COL4A1: variants seen among roughly 807,000 people sequenced by gnomAD.
The protein encoded by COL4A1 is collagen type IV alpha 1 chain.
A neutral mutation model predicts 216.6 loss-of-function variants in COL4A1; 40 were observed. The ratio of observed to expected loss-of-function variants is 0.18; its 90% CI spans 0.14 to 0.24. The LOEUF is 0.24. Ranked by LOEUF, COL4A1 falls within the 10% of genes least tolerant of loss-of-function variation. The pLI is 1.00. For missense variants in COL4A1, 1,628 were observed against 2,196.8 expected, an observed-to-expected ratio of 0.74 and a Z score of 5.18; for synonymous variants, 839 against 810.7, an observed-to-expected ratio of 1.03 and a Z score of -0.59.
At position 110,186,435 on chromosome 13, in the gene COL4A1, T is replaced by C. The variant is rs756221734; in HGVS notation, c.1847A>G (p.Asp616Gly). 6 of 1,613,740 alleles carry C rather than the reference T, an allele frequency of 3.7e-6. No individual in the cohort carries two copies. The Admixed American group carries it at 1.0e-4, about 27-fold the overall frequency. ...PGYGPAGPIGDKGQAGFPGGP... is the reference protein window; with the variant it reads ...PGYGPAGPIGGKGQAGFPGGP... ...TCCAGGAAAGCCTGCTTGTCCTTTG[T>C]CACCAATGGGACCAGCAGGACCATA... The change falls in exon 26 of 52, where the codon GAC (aspartate) becomes GGC (glycine). Residue 616 changes from aspartate (D) to glycine (G), a missense_variant. By Grantham distance (94) the Asp-to-Gly change is moderately conservative. Around this residue, in one of 8 missense-constraint regions of COL4A1, gnomAD observed 701 missense variants for 892.5 expected, o/e 0.79. Transcript: ENST00000375820.
At chr13:110,287,299 C>T (rs914912110) in intron 1 of COL4A1, among the ~76,000 whole-genome samples, 5 of 152,296 alleles carry the variant, frequency 3.3e-5, no homozygotes, top group Non-Finnish European at 5.9e-5. Flanking sequence ...GACAGCCTGC[C>T]GTCCCCACCC....
chr13:110,166,237 G>T lies in COL4A1; in HGVS notation c.4016C>A (p.Ala1339Asp). ...GDQGDQGVPG[A>D]KGLPGPPGPP... ...AGATCAACAAACTCTCCTACCTTTAGCTCCCGGGACGCCTTGATCGCCTTG... is the reference window on the plus strand; with the variant it reads ...AGATCAACAAACTCTCCTACCTTTATCTCCCGGGACGCCTTGATCGCCTTG... The change falls in exon 45 of 52, where the codon GCT becomes GAT. Residue 1339 changes from alanine (A) to aspartate (D), a missense_variant. By Grantham distance (126) the Ala-to-Asp change is moderately radical. Coordinates refer to ENST00000375820, the MANE Select transcript of COL4A1 (RefSeq NM_001845.6). The T allele has an allele frequency of 1.9e-6, 3 of 1,600,338 alleles. No homozygotes were observed. Among genetic ancestry groups the T allele is most frequent in the Non-Finnish European group, 2.6e-6 (3 of 1,167,426 alleles).
intron 1 of COL4A1, among the ~76,000 whole-genome samples, chr13:110,295,677 C>T (rs1006635604): frequency 1.3e-4 from 20 of 152,314 alleles, no homozygotes; most frequent in African/African-American, 3.4e-4. Flanking sequence ...CCACCCGCCT[C>T]GTCCTCTTAA....
intron 1 of COL4A1, among the ~76,000 whole-genome samples, chr13:110,303,251 C>T (rs1039756144): frequency 3.3e-5 from 5 of 152,148 alleles, no homozygotes; most frequent in Admixed American, 2.0e-4. Context: ...GCACTCCTGA[C>T]TAGAATCAGT....
rs1167152757 is a variant in COL4A1, at chr13:110,219,862, ATGTGTG to A, written c.145-5853_145-5848del. 1.7e-3 allele frequency among the ~76,000 whole-genome samples: 169 copies of A among 98,934 alleles called. 7 individuals are homozygous for A. The highest frequency in any genetic ancestry group is 5.3e-3 in the Middle Eastern group (1 of 188). 64.9% of individuals were successfully genotyped at this position (98,934 alleles called of 152,430 possible). ...TATATATGTGTATATATATGTATATATGTGTGTGTATATATGTATATATATGTGTGT... is the reference window on the plus strand; with the variant it reads ...TATATATGTGTATATATATGTATATATGTATATATGTATATATATGTGTGT... On this transcript the variant is annotated intron_variant, in intron 2 of 51. Transcript: ENST00000375820.
At chr13:110,187,597 G>A (rs1427528980) in intron 24 of COL4A1, among the ~76,000 whole-genome samples, 1 of 152,120 alleles carries the variant, frequency 6.6e-6, no homozygotes, top group Non-Finnish European at 1.5e-5. Flanking sequence ...GTTATAGTGT[G>A]GCTTTGGGCA....
chr13:110,299,186 T>A (rs1247074813), intron 1 of COL4A1, among the ~76,000 whole-genome samples: 2 of 152,236 alleles, frequency 1.3e-5, no homozygotes, highest in African/African-American at 4.8e-5. Context: ...GTCCCGACAC[T>A]GCAGGCCTGC....
chr13:110,244,982 G>C (rs1459233026), intron 1 of COL4A1, among the ~76,000 whole-genome samples: 1 of 152,080 alleles, frequency 6.6e-6, no homozygotes, highest in African/African-American at 2.4e-5. Context: ...TGTATTCTTG[G>C]TGCTGTTACT....
chr13:110,232,753 G>T (rs1173230435), intron 2 of COL4A1, among the ~76,000 whole-genome samples: 3 of 152,138 alleles, frequency 2.0e-5, no homozygotes, highest in African/African-American at 7.2e-5. Flanking sequence ...TGCCATTCGA[G>T]ATACTTCATT....
intron 15 of COL4A1, among the ~76,000 whole-genome samples, chr13:110,206,001 A>G (rs931873363): frequency 6.6e-6 from 1 of 152,138 alleles, no homozygotes; most frequent in African/African-American, 2.4e-5. Context: ...TACCACAATA[A>G]TAAGTAATAT....
intron 2 of COL4A1, among the ~76,000 whole-genome samples, chr13:110,230,585 C>A (rs1880998752): frequency 6.6e-6 from 1 of 152,036 alleles, no homozygotes; most frequent in Non-Finnish European, 1.5e-5. Context: ...CCACGGGGAG[C>A]CTCCCCAGCC....
intron 1 of COL4A1, among the ~76,000 whole-genome samples, chr13:110,249,455 C>T (rs889993080): frequency 5.3e-5 from 8 of 152,194 alleles, no homozygotes; most frequent in East Asian, 1.9e-4. Flanking sequence ...AGGGAGTCCC[C>T]GGCCACACCA....
chr13:110,183,568 T>C (rs1878274419), intron 26 of COL4A1, among the ~76,000 whole-genome samples: 1 of 152,234 alleles, frequency 6.6e-6, no homozygotes, highest in Non-Finnish European at 1.5e-5. Flanking sequence ...CTGAAAAATC[T>C]ACAACAACAA....
intron 23 of COL4A1, 128 bp downstream of exon 23, chr13:110,192,702 C>T: frequency 1.4e-6 from 1 of 724,202 alleles, no homozygotes; most frequent in Non-Finnish European, 2.3e-6. Flanking sequence ...GCCCAACATT[C>T]TTCTGATTAT....
chr13:110,297,130 G>A (rs117324286), intron 1 of COL4A1, among the ~76,000 whole-genome samples: 3 of 152,104 alleles, frequency 2.0e-5, no homozygotes, highest in African/African-American at 4.8e-5. Context: ...CCTCCTACAC[G>A]GCCCCTCTCC....
At position 110,307,069 on chromosome 13, in the gene COL4A1, CG is replaced by C. The variant is rs1295260215; in HGVS notation, c.-43del. The C allele has an allele frequency of 1.2e-5, 17 of 1,394,050 alleles. No homozygotes were observed. Among genetic ancestry groups the C allele is most frequent in the Admixed American group, 8.7e-5 (3 of 34,370 alleles). The allele number at this position is 1,394,050 out of a possible 1,614,324, so 86.4% of individuals were successfully genotyped here. On this transcript the variant is annotated 5_prime_UTR_variant, in exon 1 of 52. Transcript: ENST00000375820. The surrounding 1 kb of genome is among the most constrained non-coding windows in gnomAD (Gnocchi z 5.0). ...CGGCGAGGGACGGCTGCCCGGCGTG[CG>C]GGGGCCGCGGCGGACAGCTAGCTCT... is the stretch of plus-strand genomic sequence containing the variant.
chr13:110,295,924 C>G (rs902950164), intron 1 of COL4A1, among the ~76,000 whole-genome samples: 1 of 152,192 alleles, frequency 6.6e-6, no homozygotes, highest in Non-Finnish European at 1.5e-5. Flanking sequence ...CGCTTTCTAG[C>G]GGGGAGTGAG....
chr13:110,239,626 G>A (rs992164772), intron 2 of COL4A1, among the ~76,000 whole-genome samples: 1 of 152,186 alleles, frequency 6.6e-6, no homozygotes, highest in African/African-American at 2.4e-5. Context: ...CAGTAGATTT[G>A]TATTCCATTA....
At chr13:110,295,266 T>C (rs1023932029) in intron 1 of COL4A1, among the ~76,000 whole-genome samples, 3 of 106,518 alleles carry the variant, frequency 2.8e-5, no homozygotes, top group Admixed American at 9.2e-5. Context: ...TTCTTTTTTT[T>C]TTTTTTTTTT....
Sources: allele counts gnomAD v4.1 joint callset (sites outside exome capture counted in the v4.1 genomes callset), GRCh38; gene constraint gnomAD v4.1.1; regional missense constraint gnomAD v4.1.1; non-coding constraint Gnocchi (gnomAD v3.1); transcripts MANE v1.5; gene names NCBI Gene and HGNC (gene_info 2026-07-23, HGNC 2026-07-21).